The following SHANK2 variants were observed in gnomAD, a reference collection of about 807,000 sequenced individuals.
SHANK2 encodes the protein SH3 and multiple ankyrin repeat domains 2, also known as SH3 and multiple ankyrin repeat domains protein 2.
In SHANK2, 43 loss-of-function variants were observed where a neutral mutation model predicts 133.7. That is an observed-to-expected ratio of 0.32 (90% CI 0.25 to 0.41). The LOEUF is 0.41. SHANK2 is among the 10% of genes least tolerant of loss of function. SHANK2 has a pLI of 1.00. For missense variants in SHANK2, 1,994 were observed against 2,235.8 expected (o/e 0.89, Z 2.18); for synonymous variants, 1,017 against 952.8 (o/e 1.07, Z -1.24).
rs782008160 is a variant in SHANK2, at chr11:71,147,111, G to A, written c.207+9C>T. ...AGATGTGAACCAAAGGGCAGACCAC[G>A]GGGCTCACCGTCTGCTGCAGGTCAT... On this transcript the variant is annotated intron_variant, in intron 3 of 25. Coordinates refer to ENST00000601538, the MANE Select transcript of SHANK2 (RefSeq NM_012309.5). 87 of 1,542,888 alleles carry A rather than the reference G, an allele frequency of 5.6e-5. No homozygotes were observed. In the Middle Eastern group the frequency reaches 6.1e-4, roughly 11 times the overall value.
rs73531457 is a variant in SHANK2, at chr11:70,906,815, C to G, written c.1108-10248G>C. ...GCCTGGGCTCCTGGCTCACCAAGGT[C>G]AGGGGTCGCCGAGTTCCCCTGCAAA... On this transcript the variant is annotated intron_variant, in intron 10 of 25. Transcript: ENST00000601538. 6.7e-3 allele frequency among the ~76,000 whole-genome samples: 1,024 copies of G among 152,274 alleles called. 10 individuals are homozygous for G. The highest frequency in any genetic ancestry group is 0.024 in the African/African-American group (998 of 41,554).
intron 11 of SHANK2, among the ~76,000 whole-genome samples, chr11:70,857,635 C>A (rs1949192329): frequency 6.6e-6 from 1 of 152,198 alleles, no homozygotes; most frequent in Non-Finnish European, 1.5e-5. Flanking sequence ...CTGCCCACCC[C>A]ATCATCCTCA....
intron 3 of SHANK2, among the ~76,000 whole-genome samples, chr11:71,127,797 G>C (rs2135313333): frequency 2.6e-5 from 4 of 152,308 alleles, no homozygotes; most frequent in Admixed American, 2.6e-4. Flanking sequence ...TCTGGAACCA[G>C]ACTCACTATC....
intron 17 of SHANK2, among the ~76,000 whole-genome samples, chr11:70,617,523 C>T (rs1208310391): frequency 2.0e-5 from 3 of 152,038 alleles, no homozygotes; most frequent in African/African-American, 4.8e-5. Context: ...CAGAGCTGAT[C>T]GTGGGCTTCA....
At chr11:71,251,346 G>T (rs1332324220) in intron 1 of SHANK2, among the ~76,000 whole-genome samples, 1 of 152,158 alleles carries the variant, frequency 6.6e-6, no homozygotes, top group African/African-American at 2.4e-5. Context: ...GAACCCTGGC[G>T]GCGAGGTCCA....
At chr11:70,783,430 C>A (rs1200913869) in intron 14 of SHANK2, among the ~76,000 whole-genome samples, 1 of 152,068 alleles carries the variant, frequency 6.6e-6, no homozygotes, top group Non-Finnish European at 1.5e-5. Context: ...CAGTGAACGA[C>A]CTCACAGTGA....
At chr11:70,892,353 T>TGGC (rs1319003427) in intron 11 of SHANK2, among the ~76,000 whole-genome samples, 7 of 147,680 alleles carry the variant, frequency 4.7e-5, no homozygotes, top group African/African-American at 1.9e-4. Flanking sequence ...CCTCTAACTA[T>TGGC]GGTGGGGGGG....
At chr11:70,873,113 T>G (rs1949497251) in intron 11 of SHANK2, 1 of 471,036 alleles carries the variant, frequency 2.1e-6, no homozygotes. Context: ...GGCCCTGCAG[T>G]TTATAGAATG....
intron 17 of SHANK2, among the ~76,000 whole-genome samples, chr11:70,609,442 C>A (rs2060624706): frequency 6.6e-6 from 1 of 152,152 alleles, no homozygotes; most frequent in Non-Finnish European, 1.5e-5. Flanking sequence ...GTTAAACACC[C>A]AACCACCATG....
At chr11:71,084,409 A>G (rs1951349564) in intron 8 of SHANK2, among the ~76,000 whole-genome samples, 1 of 152,166 alleles carries the variant, frequency 6.6e-6, no homozygotes, top group Non-Finnish European at 1.5e-5. Context: ...GGCCATGTGC[A>G]CCTGGCCTGA....
chr11:71,247,211 G>A (rs1954972345), intron 1 of SHANK2, among the ~76,000 whole-genome samples: 1 of 152,206 alleles, frequency 6.6e-6, no homozygotes. Flanking sequence ...TGTGAGTCAC[G>A]ATGGGTTTAT....
chr11:70,782,471 G>A (rs1362206018), intron 14 of SHANK2, among the ~76,000 whole-genome samples: 1 of 152,220 alleles, frequency 6.6e-6, no homozygotes, highest in Non-Finnish European at 1.5e-5. Flanking sequence ...TCCCAGTCGA[G>A]CTGCCCTGCT....
At chr11:70,636,803 A>G (rs1213921182) in intron 17 of SHANK2, among the ~76,000 whole-genome samples, 3 of 151,892 alleles carry the variant, frequency 2.0e-5, no homozygotes, top group African/African-American at 4.8e-5. Flanking sequence ...CGTGTGTGTG[A>G]ACATGTGTGT....
chr11:70,846,613 C>T (rs76164273), intron 11 of SHANK2, among the ~76,000 whole-genome samples: 1 of 152,140 alleles, frequency 6.6e-6, no homozygotes, highest in East Asian at 1.9e-4. Context: ...CTGCTGGTGT[C>T]CCAAGCCCTG....
At chr11:70,934,230 T>TCAA (rs1950540169) in intron 10 of SHANK2, among the ~76,000 whole-genome samples, 1 of 113,400 alleles carries the variant, frequency 8.8e-6, no homozygotes, top group African/African-American at 3.6e-5. Context: ...GGACTGTGTC[T>TCAA]CAACAACAAC....
intron 14 of SHANK2, among the ~76,000 whole-genome samples, chr11:70,771,795 T>C (rs1238236608): frequency 6.6e-6 from 1 of 152,176 alleles, no homozygotes; most frequent in Non-Finnish European, 1.5e-5. Flanking sequence ...GGTTCATAAA[T>C]AATGAACACT....
intron 9 of SHANK2, among the ~76,000 whole-genome samples, chr11:71,057,922 T>TG (rs1435953575): frequency 6.7e-6 from 1 of 150,068 alleles, no homozygotes; most frequent in Non-Finnish European, 1.5e-5. Flanking sequence ...CGGTTTTTTT[T>TG]TTTTTTTTTG....
rs1283341752 is a variant in SHANK2 at position 70,660,519 on chromosome 11, A to ATG, written c.1937-569_1937-568dup. 3.3e-5 allele frequency among the ~76,000 whole-genome samples: 5 copies of ATG among 152,080 alleles called. No individual in the cohort carries two copies. The East Asian group carries it at 9.7e-4, about 29-fold the overall frequency. ...GTGACCAGTGTCCCTGGGCACTGGC[A>ATG]TGTGTGTGTGTGGGTGCTGAACCAC... is the stretch of plus-strand genomic sequence containing the variant. On this transcript the variant is annotated intron_variant, in intron 16 of 25. Coordinates refer to ENST00000601538, the MANE Select transcript of SHANK2 (RefSeq NM_012309.5).
chr11:71,205,936 C>T (rs989858970), intron 2 of SHANK2, among the ~76,000 whole-genome samples: 31 of 151,846 alleles, frequency 2.0e-4, no homozygotes, highest in African/African-American at 6.8e-4. Flanking sequence ...GCAGGTGAAA[C>T]GGGGCTGGGG....
Sources: gnomAD v4.1 joint callset for allele counts (sites outside exome capture counted in the v4.1 genomes callset) on GRCh38, gnomAD v4.1.1 for gene constraint, MANE v1.5 for transcripts, NCBI Gene and HGNC (gene_info 2026-07-23, HGNC 2026-07-21) for gene names.